Variants in COL23A1 observed in about 807,000 individuals in gnomAD.
COL23A1 encodes collagen alpha-1(XXIII) chain.
A neutral mutation model predicts 99.3 loss-of-function variants in COL23A1; 97 were observed. The ratio of observed to expected loss-of-function variants is 0.98; its 90% CI spans 0.83 to 1.16. COL23A1 has a LOEUF of 1.16. COL23A1 is among the 50% of genes most tolerant of loss of function. The probability of loss-of-function intolerance (pLI) is 0.00; values close to 1 mark genes in which losing one functional copy is unlikely to be tolerated. For missense variants in COL23A1, 762 were observed against 757.4 expected (o/e 1.01, Z -0.07); for synonymous variants, 320 against 308.2 (o/e 1.04, Z -0.40).
chr5:178,301,952 TGC>T (rs1758066271), intron 3 of COL23A1, among the ~76,000 whole-genome samples: 2 of 41,242 alleles, frequency 4.8e-5, no homozygotes, highest in East Asian at 3.2e-4. Flanking sequence ...ACAGCTTCAA[TGC>T]TGCACCTCTG....
chr5:178,257,340 C>T (rs537732100), intron 13 of COL23A1, among the ~76,000 whole-genome samples, 183 bp downstream of exon 13: 2 of 152,204 alleles, frequency 1.3e-5, no homozygotes, highest in South Asian at 2.1e-4. Flanking sequence ...GCACATGGCC[C>T]GGGTGAGACG....
intron 2 of COL23A1, among the ~76,000 whole-genome samples, chr5:178,373,365 G>A (rs1762902773): frequency 6.6e-6 from 1 of 152,200 alleles, no homozygotes; most frequent in African/African-American, 2.4e-5. Flanking sequence ...CGTTCTCAGT[G>A]CAGCCCAGGC....
At chr5:178,382,166 C>T (rs1177792762) in intron 2 of COL23A1, among the ~76,000 whole-genome samples, 3 of 152,096 alleles carry the variant, frequency 2.0e-5, no homozygotes, top group Non-Finnish European at 2.9e-5. Context: ...GAGAGGCCGA[C>T]GCTCAGAGAG....
chr5:178,336,400 C>G (rs1442013714), intron 2 of COL23A1, among the ~76,000 whole-genome samples: 1 of 152,210 alleles, frequency 6.6e-6, no homozygotes, highest in African/African-American at 2.4e-5. Context: ...GAATATTATT[C>G]AGCCATAAAA....
chr5:178,494,745 A>G lies in COL23A1; in HGVS notation c.361+65937T>C, dbSNP rs374017097. On this transcript the variant is annotated intron_variant, in intron 2 of 28. Transcript: ENST00000390654. The stretch of plus-strand genomic sequence containing the variant: ...AGGCTCTGCTCCCCGGTACATCCCT[A>G]ACACCTTCAAACAGCCCCTTTCCAC... 1.2e-4 allele frequency among the ~76,000 whole-genome samples: 19 copies of G among 152,222 alleles called. 1 individual carries two copies. The highest frequency in any genetic ancestry group is 4.6e-4 in the African/African-American group (19 of 41,528).
rs202225211 is a variant in COL23A1, at chr5:178,337,739, C to CAT, written c.362-30822_362-30821dup. ...CTGAGGCTGCTCCACAGACACCCCC[C>CAT]ATCTTCCTGGCACGAAAGCATCACT... is the stretch of plus-strand genomic sequence containing the variant. On this transcript the variant is annotated intron_variant, in intron 2 of 28. Coordinates refer to ENST00000390654, the MANE Select transcript of COL23A1 (RefSeq NM_173465.4). 8.5e-3 allele frequency among the ~76,000 whole-genome samples: 1,297 copies of CAT among 152,268 alleles called. 20 individuals are homozygous for CAT. Among genetic ancestry groups the CAT allele is most frequent in the African/African-American group, 0.03 (1,233 of 41,538 alleles).
chr5:178,276,612 GC>G (rs1469414004), intron 5 of COL23A1, among the ~76,000 whole-genome samples: 19 of 152,262 alleles, frequency 1.2e-4, no homozygotes, highest in Non-Finnish European at 2.4e-4. Context: ...TGGGTGGGCA[GC>G]CCCCTTCAGG....
chr5:178,321,859 G>C (rs1258772095), intron 2 of COL23A1, among the ~76,000 whole-genome samples: 1 of 151,730 alleles, frequency 6.6e-6, no homozygotes, highest in East Asian at 1.9e-4. Flanking sequence ...CTGTCACCCA[G>C]GCCGGAGTAC....
At chr5:178,388,027 C>T (rs560948956) in intron 2 of COL23A1, among the ~76,000 whole-genome samples, 3 of 152,314 alleles carry the variant, frequency 2.0e-5, no homozygotes, top group African/African-American at 7.2e-5. Context: ...CTCCTCAGGG[C>T]ATGTCCACCC....
intron 2 of COL23A1, among the ~76,000 whole-genome samples, chr5:178,373,225 C>T (rs577898354): frequency 6.6e-6 from 1 of 152,162 alleles, no homozygotes; most frequent in East Asian, 1.9e-4. Context: ...GGGTTTGGTG[C>T]CTCTCCTGGC....
intron 27 of COL23A1, among the ~76,000 whole-genome samples, chr5:178,241,656 A>C (rs1248329854): frequency 6.6e-6 from 1 of 152,118 alleles, no homozygotes; most frequent in Non-Finnish European, 1.5e-5. Flanking sequence ...CTCCCAGGGC[A>C]CCGCTGATGG....
chr5:178,440,685 G>A (rs993392285), intron 2 of COL23A1, among the ~76,000 whole-genome samples: 3 of 144,058 alleles, frequency 2.1e-5, no homozygotes, highest in Non-Finnish European at 3.0e-5. Flanking sequence ...GTGAGATCTC[G>A]GCTCACTGTA....
At chr5:178,507,927 C>G (rs1758968777) in intron 2 of COL23A1, among the ~76,000 whole-genome samples, 1 of 152,190 alleles carries the variant, frequency 6.6e-6, no homozygotes, top group African/African-American at 2.4e-5. Context: ...TCCCCTTCAC[C>G]TCTCCTTCTA....
At chr5:178,268,274 G>A (rs1247316525) in intron 7 of COL23A1, among the ~76,000 whole-genome samples, 1 of 152,176 alleles carries the variant, frequency 6.6e-6, no homozygotes, top group Non-Finnish European at 1.5e-5. Flanking sequence ...CTTGGTCCCT[G>A]TTTTCTAGGG....
intron 27 of COL23A1, among the ~76,000 whole-genome samples, chr5:178,240,641 T>C (rs11746584): frequency 0.17 from 26,629 of 152,226 alleles, 4,399 homozygotes; most frequent in African/African-American, 0.44. Context: ...CCCCGCCCTT[T>C]CTGTGCGCTG....
At chr5:178,285,872 C>T (rs1422606877) in intron 5 of COL23A1, among the ~76,000 whole-genome samples, 1 of 152,254 alleles carries the variant, frequency 6.6e-6, no homozygotes. Flanking sequence ...GGAATTTCCA[C>T]TCAGGACTGG....
intron 2 of COL23A1, among the ~76,000 whole-genome samples, chr5:178,355,510 G>C (rs1368744619): frequency 6.6e-6 from 1 of 152,050 alleles, no homozygotes; most frequent in South Asian, 2.1e-4. Flanking sequence ...ACCGAAGGCT[G>C]AGTAATTTAT....
intron 2 of COL23A1, among the ~76,000 whole-genome samples, chr5:178,317,432 G>GT (rs1296447293): frequency 6.6e-6 from 1 of 152,226 alleles, no homozygotes; most frequent in Non-Finnish European, 1.5e-5. Flanking sequence ...CCCTAGAATT[G>GT]TTAGATTCAG....
chr5:178,266,760 C>T (rs893821714), intron 8 of COL23A1, among the ~76,000 whole-genome samples: 17 of 152,134 alleles, frequency 1.1e-4, no homozygotes, highest in African/African-American at 4.1e-4. Context: ...CGCGGAGGTG[C>T]GGAGCAGGCG....
Sources: gnomAD v4.1 joint callset for allele counts (sites outside exome capture counted in the v4.1 genomes callset) on GRCh38, gnomAD v4.1.1 for gene constraint, MANE v1.5 for transcripts, NCBI Gene and HGNC (gene_info 2026-07-23, HGNC 2026-07-21) for gene names.